The following AP3B1 variants were observed in gnomAD, a reference collection of about 807,000 sequenced individuals.
The protein encoded by AP3B1 is AP-3 complex subunit beta-1.
AP3B1 carries 61 observed loss-of-function variants against 132.5 expected under a neutral mutation model. That is an observed-to-expected ratio of 0.46 (90% CI 0.37 to 0.57). The LOEUF is 0.57. Ranked by LOEUF, AP3B1 falls within the 20% of genes least tolerant of loss-of-function variation. AP3B1 has a pLI of 0.00. For missense variants in AP3B1, 1,120 were observed against 1,289.4 expected (o/e 0.87, Z 2.01); for synonymous variants, 388 against 438.3 (o/e 0.89, Z 1.43).
chr5:78,166,179 T>C (rs1424176684), intron 11 of AP3B1, among the ~76,000 whole-genome samples: 4 of 149,552 alleles, frequency 2.7e-5, no homozygotes, highest in South Asian at 4.2e-4. Flanking sequence ...ACACAAATCA[T>C]ATTGTCGCCA....
rs146253354 is a variant in AP3B1, at chr5:78,009,773, C to CG, written c.3131+5636dup. On this transcript the variant is annotated intron_variant, in intron 26 of 26. Coordinates refer to ENST00000255194, the MANE Select transcript of AP3B1 (RefSeq NM_003664.5). ...AATCCAAATTACTAATTAAGATATA[C>CG]GGGGGGGTGGGGGAGGGGGAGAGGG... Among the ~76,000 whole-genome samples the CG allele has an allele frequency of 2.5e-3, 38 of 14,992 alleles. 1 individual carries two copies. Among genetic ancestry groups the CG allele is most frequent in the South Asian group, 0.014 (6 of 432 alleles). 9.8% of individuals were successfully genotyped at this position (14,992 alleles called of 152,430 possible). A position where few individuals can be genotyped will look rare whatever the true frequency, so the allele number is the denominator to read the frequency against.
chr5:78,080,825 TATGAAA>T (rs1749967868), intron 22 of AP3B1, among the ~76,000 whole-genome samples: 1 of 152,132 alleles, frequency 6.6e-6, no homozygotes, highest in African/African-American at 2.4e-5. Flanking sequence ...CAATCAATGG[TATGAAA>T]ATATGATCGG....
At chr5:78,259,994 T>A (rs1420144816) in intron 2 of AP3B1, among the ~76,000 whole-genome samples, 3 of 150,772 alleles carry the variant, frequency 2.0e-5, no homozygotes, top group African/African-American at 4.9e-5. Flanking sequence ...CAAAAAAAAA[T>A]TAATAATAAA....
chr5:78,266,467 CT>C (rs1748327545), intron 2 of AP3B1, among the ~76,000 whole-genome samples: 1 of 152,100 alleles, frequency 6.6e-6, no homozygotes. Context: ...TACCACCTCA[CT>C]TTTTAACAGA....
chr5:78,270,643 G>A (rs78171060), intron 1 of AP3B1, among the ~76,000 whole-genome samples: 3,878 of 152,230 alleles, frequency 0.025, 101 homozygotes, highest in East Asian at 0.14. Flanking sequence ...CAGAAAAAAC[G>A]CTGGAAACAG....
At chr5:78,186,150 T>A (rs1337694892) in intron 7 of AP3B1, among the ~76,000 whole-genome samples, 22 of 151,890 alleles carry the variant, frequency 1.4e-4, no homozygotes, top group Admixed American at 1.4e-3. Flanking sequence ...CTATAAGAAA[T>A]TCACCATAAA....
intron 24 of AP3B1, among the ~76,000 whole-genome samples, chr5:78,028,331 G>A (rs191403340): frequency 2.5e-3 from 382 of 151,526 alleles, no homozygotes; most frequent in African/African-American, 8.6e-3. Context: ...ATGGTGGTGC[G>A]TGCCTGTAGT....
intron 22 of AP3B1, chr5:78,042,978 G>T: frequency 5.4e-6 from 1 of 183,974 alleles, no homozygotes; most frequent in Non-Finnish European, 1.2e-5. Flanking sequence ...CAGAGTTTCT[G>T]ATCCAAATGT....
At chr5:78,054,247 A>C (rs142615438) in intron 22 of AP3B1, among the ~76,000 whole-genome samples, 37 of 152,350 alleles carry the variant, frequency 2.4e-4, no homozygotes, top group Non-Finnish European at 4.3e-4. Flanking sequence ...GTGAGGTTAC[A>C]TGTTGCACAG....
chr5:78,177,645 T>A lies in AP3B1; in HGVS notation c.943-209A>T, dbSNP rs538532854. Among the ~76,000 whole-genome samples the A allele has an allele frequency of 4.6e-5, 7 of 152,118 alleles. No homozygotes were observed. In the South Asian group the frequency reaches 8.3e-4, roughly 18 times the overall value. ...AATCTGATCTTATTTGGAAGTGGGA[T>A]CTCTGCAGAAATTATTAATATAAGA... On this transcript the variant is annotated intron_variant, in intron 8 of 26. Coordinates refer to ENST00000255194, the MANE Select transcript of AP3B1 (RefSeq NM_003664.5).
chr5:78,262,615 C>T (rs1264287823), intron 2 of AP3B1, among the ~76,000 whole-genome samples: 1 of 151,940 alleles, frequency 6.6e-6, no homozygotes, highest in Non-Finnish European at 1.5e-5. Flanking sequence ...TCCAGTACCA[C>T]AATGTCTTCA....
chr5:78,292,361 CTGG>C (rs1311957178), intron 1 of AP3B1, among the ~76,000 whole-genome samples: 2 of 152,172 alleles, frequency 1.3e-5, no homozygotes, highest in Non-Finnish European at 2.9e-5. Context: ...GGAAGCTTCT[CTGG>C]TGGTACTACT....
At chr5:78,109,613 C>T (rs1489295136) in intron 20 of AP3B1, among the ~76,000 whole-genome samples, 1 of 152,026 alleles carries the variant, frequency 6.6e-6, no homozygotes, top group Non-Finnish European at 1.5e-5. Flanking sequence ...ATTCTTTTAA[C>T]TAGACTTGAA....
chr5:78,134,099 C>T (rs1052901600), intron 15 of AP3B1, among the ~76,000 whole-genome samples: 4 of 144,190 alleles, frequency 2.8e-5, no homozygotes, highest in Non-Finnish European at 4.5e-5. Context: ...TGCAGTGAGC[C>T]GAGATCGCGC....
intron 3 of AP3B1, among the ~76,000 whole-genome samples, chr5:78,230,772 C>CTA (rs1387108641): frequency 6.6e-6 from 1 of 152,150 alleles, no homozygotes; most frequent in Non-Finnish European, 1.5e-5. Flanking sequence ...CCATATAACA[C>CTA]TATACTATTC....
intron 17 of AP3B1, among the ~76,000 whole-genome samples, chr5:78,119,317 G>A (rs543639991): frequency 6.6e-6 from 1 of 152,302 alleles, no homozygotes; most frequent in East Asian, 1.9e-4. Flanking sequence ...CTCCTCACCA[G>A]CAACAGAACA....
intron 5 of AP3B1, 148 bp from the exon 6 acceptor site, chr5:78,225,756 G>T: frequency 1.7e-6 from 1 of 572,916 alleles, no homozygotes; most frequent in Non-Finnish European, 3.1e-6. Flanking sequence ...AAATAAAATG[G>T]GATGGTTTTT....
chr5:78,194,708 A>G (rs1450469792), intron 7 of AP3B1, among the ~76,000 whole-genome samples: 3 of 152,230 alleles, frequency 2.0e-5, no homozygotes, highest in African/African-American at 7.2e-5. Context: ...TCCTTACAAA[A>G]TAATTCTAAG....
At chr5:78,189,168 T>C (rs1470637288) in intron 7 of AP3B1, among the ~76,000 whole-genome samples, 1 of 152,112 alleles carries the variant, frequency 6.6e-6, no homozygotes, top group African/African-American at 2.4e-5. Context: ...CAAACCACCA[T>C]GGCACACGTT....
Sources: allele counts gnomAD v4.1 joint callset (sites outside exome capture counted in the v4.1 genomes callset), GRCh38; gene constraint gnomAD v4.1.1; transcripts MANE v1.5; gene names NCBI Gene and HGNC (gene_info 2026-07-23, HGNC 2026-07-21).